Variants in UHRF1 observed in about 807,000 individuals in gnomAD.
UHRF1 encodes the protein E3 ubiquitin-protein ligase UHRF1.
In UHRF1, 9 loss-of-function variants were observed where a neutral mutation model predicts 96.5. That is an observed-to-expected ratio of 0.09 (90% CI 0.06 to 0.16). The LOEUF (loss-of-function observed/expected upper bound fraction) is 0.16. UHRF1 is among the 10% of genes least tolerant of loss of function. UHRF1 has a pLI of 1.00. For missense variants in UHRF1, 626 were observed against 1,131.1 expected, an observed-to-expected ratio of 0.55 and a Z score of 6.40; for synonymous variants, 455 against 469.9, an observed-to-expected ratio of 0.97 and a Z score of 0.41.
chr19:4,906,805 G>A (rs1469421580), upstream of UHRF1, among the ~76,000 whole-genome samples: 2 of 152,246 alleles, frequency 1.3e-5, no homozygotes, highest in East Asian at 1.9e-4. Context: ...TTTCAGCCAC[G>A]TTGAGTTTTC....
At chr19:4,904,888 G>A (rs2032033612), upstream of UHRF1, among the ~76,000 whole-genome samples, 1 of 152,174 alleles carries the variant, frequency 6.6e-6, no homozygotes, top group Non-Finnish European at 1.5e-5. Context: ...TCTGGTGCCT[G>A]AGAGGGAGGG....
At chr19:4,913,138 T>C (rs1688927758) in intron 2 of UHRF1, among the ~76,000 whole-genome samples, 1 of 152,098 alleles carries the variant, frequency 6.6e-6, no homozygotes, top group Non-Finnish European at 1.5e-5. Flanking sequence ...CCAAAACCCC[T>C]ATCTCCCCTC....
At chr19:4,907,555 C>CCCAGGATTA (rs1405916828), upstream of UHRF1, among the ~76,000 whole-genome samples, 1 of 151,952 alleles carries the variant, frequency 6.6e-6, no homozygotes, top group African/African-American at 2.4e-5. Flanking sequence ...CACGTGTGAG[C>CCCAGGATTA]CACCACGCCC....
chr19:4,940,245 T>C (rs976721773), intron 5 of UHRF1, among the ~76,000 whole-genome samples: 2 of 152,060 alleles, frequency 1.3e-5, no homozygotes, highest in African/African-American at 4.8e-5. Context: ...CAAGTGCTGT[T>C]TCCCTCGGAC....
At chr19:4,960,389 G>A (rs2033958277) in intron 16 of UHRF1, among the ~76,000 whole-genome samples, 1 of 152,230 alleles carries the variant, frequency 6.6e-6, no homozygotes, top group Non-Finnish European at 1.5e-5. Flanking sequence ...GGTGACTTGA[G>A]CTGAGCTGTG....
chr19:4,929,543 C>T (rs2032984373), intron 3 of UHRF1, 67 bp downstream of exon 3: 1 of 1,553,388 alleles, frequency 6.4e-7, no homozygotes, highest in African/African-American at 1.4e-5. Flanking sequence ...CTTTGCATAC[C>T]CAGGGCTCAC....
intron 16 of UHRF1, among the ~76,000 whole-genome samples, chr19:4,958,480 G>A (rs2033912826): frequency 6.6e-6 from 1 of 152,234 alleles, no homozygotes; most frequent in African/African-American, 2.4e-5. Flanking sequence ...CGGTAGGAAG[G>A]ACTGTGGGGA....
exon 1 of UHRF1, chr19:4,903,551 G>A (rs980937013): frequency 6.6e-6 from 1 of 152,124 alleles, no homozygotes; most frequent in African/African-American, 2.4e-5. Flanking sequence ...CAGCCAGACT[G>A]GAGTGCAATG....
In UHRF1 at chr19:4,927,942, C is replaced by T. The variant is rs113406019; in HGVS notation, c.154-1280C>T. Among the ~76,000 whole-genome samples the T allele has an allele frequency of 7.0e-4, 106 of 152,358 alleles. 1 individual carries two copies. The highest frequency in any genetic ancestry group is 1.0e-3 in the Non-Finnish European group (70 of 68,024). On this transcript the variant is annotated intron_variant, in intron 2 of 16. Transcript: ENST00000650932. ...CAGACGTGGAAACCAGGGGGACCCC[C>T]AGCTCCTGGGATTCACCTCCTCTCT...
chr19:4,918,240 C>A (rs893659898), intron 2 of UHRF1, among the ~76,000 whole-genome samples: 1 of 152,062 alleles, frequency 6.6e-6, no homozygotes, highest in Non-Finnish European at 1.5e-5. Context: ...CTGCCTCAGC[C>A]TCCCAAGTAG....
chr19:4,955,358 C>T (rs1219466871), intron 15 of UHRF1, among the ~76,000 whole-genome samples: 2 of 152,132 alleles, frequency 1.3e-5, no homozygotes. Context: ...CTTCCTCCCC[C>T]TTTACAGCCA....
At chr19:4,951,976 G>T (rs1263887264) in intron 13 of UHRF1, among the ~76,000 whole-genome samples, 6 of 152,214 alleles carry the variant, frequency 3.9e-5, no homozygotes, top group Admixed American at 6.6e-5. Context: ...ACCCGAGGGG[G>T]TCACTCAGGT....
intron 15 of UHRF1, among the ~76,000 whole-genome samples, chr19:4,955,969 G>A (rs551331062): frequency 6.6e-6 from 1 of 151,900 alleles, no homozygotes; most frequent in African/African-American, 2.4e-5. Flanking sequence ...TTTTGCTCTC[G>A]TTGCCCGGGC....
intron 2 of UHRF1, among the ~76,000 whole-genome samples, chr19:4,919,671 C>G (rs1305135583): frequency 6.6e-6 from 1 of 151,968 alleles, no homozygotes; most frequent in Non-Finnish European, 1.5e-5. Flanking sequence ...TTAAGTCACT[C>G]CTTTTACCAG....
chr19:4,922,547 C>T (rs2032735502), intron 2 of UHRF1, among the ~76,000 whole-genome samples: 2 of 152,216 alleles, frequency 1.3e-5, no homozygotes, highest in African/African-American at 2.4e-5. Flanking sequence ...GGATTACAGG[C>T]GTGCACCACC....
In UHRF1 at chr19:4,945,974, GT is replaced by G; in HGVS notation, c.1410+10del. ...GCTATGAGGATGATGTGGTGAGTGTGTGTGTGGGAGGGGTGGGGGAGGGTTG... is the reference window on the plus strand; with the variant it reads ...GCTATGAGGATGATGTGGTGAGTGTGGTGTGGGAGGGGTGGGGGAGGGTTG... On this transcript the variant is annotated intron_variant, in intron 10 of 16. Coordinates refer to ENST00000650932, the MANE Select transcript of UHRF1 (RefSeq NM_001048201.3). The G allele has an allele frequency of 8.4e-7, 1 of 1,195,078 alleles. No individual in the cohort carries two copies. Among genetic ancestry groups the G allele is most frequent in the Non-Finnish European group, 1.2e-6 (1 of 835,872 alleles). The allele number at this position is 1,195,078 out of a possible 1,614,324, so 74.0% of individuals were successfully genotyped here. A position where few individuals can be genotyped will look rare whatever the true frequency, so the allele number is the denominator to read the frequency against.
chr19:4,906,256 G>C (rs1027202626), upstream of UHRF1, among the ~76,000 whole-genome samples: 4 of 152,182 alleles, frequency 2.6e-5, no homozygotes, highest in African/African-American at 9.7e-5. Flanking sequence ...TGGGATTGCA[G>C]GTGTGAGCCA....
chr19:4,942,739 C>T (rs1288077338), intron 7 of UHRF1, among the ~76,000 whole-genome samples: 1 of 152,112 alleles, frequency 6.6e-6, no homozygotes, highest in Non-Finnish European at 1.5e-5. Context: ...TGTGAGCCAC[C>T]ATGCCTGGCC....
At chr19:4,915,520 C>T (rs542741335) in intron 2 of UHRF1, among the ~76,000 whole-genome samples, 5 of 152,226 alleles carry the variant, frequency 3.3e-5, no homozygotes, top group East Asian at 1.9e-4. Context: ...TCTAGAACAG[C>T]GTGCCAACAT....
Sources: allele counts gnomAD v4.1 joint callset (sites outside exome capture counted in the v4.1 genomes callset), GRCh38; gene constraint gnomAD v4.1.1; transcripts MANE v1.5; gene names NCBI Gene and HGNC (gene_info 2026-07-23, HGNC 2026-07-21).